FAM199X: variants seen among roughly 807,000 people sequenced by gnomAD.
FAM199X encodes family with sequence similarity 199, X-linked, also known as protein FAM199X.
FAM199X carries 4 observed loss-of-function variants against 22.9 expected under a neutral mutation model. The observed-to-expected ratio is 0.17, with a 90% CI of 0.09 to 0.40. FAM199X has a LOEUF of 0.40. Ranked by LOEUF, FAM199X falls within the 10% of genes least tolerant of loss-of-function variation. FAM199X has a pLI of 1.00. For missense variants in FAM199X, 183 were observed against 306.8 expected (o/e 0.60, Z 3.01); for synonymous variants, 101 against 112.3 (o/e 0.90, Z 0.64).
chrX:104,181,507 C>T (rs1921651166), intron 2 of FAM199X, among the ~76,000 whole-genome samples: 1 of 111,903 alleles, frequency 8.9e-6, no homozygotes, highest in Non-Finnish European at 1.9e-5. Context: ...TTGCAACTTC[C>T]AATTACAATG....
chrX:104,174,106 C>G (rs1921428969), intron 1 of FAM199X, among the ~76,000 whole-genome samples: 1 of 110,688 alleles, frequency 9.0e-6, no homozygotes, highest in Non-Finnish European at 1.9e-5. Flanking sequence ...AAAACCCCAT[C>G]TCTACAAAAA....
rs1251918090 is a variant in FAM199X, at chrX:104,194,537, G to T, written c.*4759G>T. The T allele has an allele frequency of 1.8e-5, 2 of 112,059 alleles. No individual in the cohort carries two copies. Among genetic ancestry groups the T allele is most frequent in the Admixed American group, 9.5e-5 (1 of 10,571 alleles). 9.2% of individuals were successfully genotyped at this position (112,059 alleles called of 1,213,427 possible). ...GACTGAAATTGACATTTGTGGTTAG[G>T]TTATCTAGCTGAGGCTTTTAACAAT... On this transcript the variant is annotated 3_prime_UTR_variant, in exon 6 of 6. Transcript: ENST00000493442.
intron 1 of FAM199X, among the ~76,000 whole-genome samples, chrX:104,168,835 C>A (rs1040607827): frequency 1.8e-5 from 2 of 108,115 alleles, no homozygotes; most frequent in African/African-American, 6.8e-5. Flanking sequence ...TCTTTGCAAG[C>A]CCCAGTTTTT....
upstream of FAM199X, among the ~76,000 whole-genome samples, chrX:104,164,356 A>T (rs782575852): frequency 3.6e-5 from 4 of 112,372 alleles, no homozygotes; most frequent in East Asian, 5.6e-4. Context: ...TTCTCACAGG[A>T]TCATGACAAT....
chrX:104,157,103 T>C, the FAM199X span: 2 of 108,822 alleles, frequency 1.8e-5, no homozygotes, highest in African/African-American at 6.7e-5. Context: ...GGCCGGTCTG[T>C]TTGGGAGAGC....
the FAM199X span, among the ~76,000 whole-genome samples, chrX:104,157,407 A>G: frequency 1.8e-5 from 2 of 110,964 alleles, no homozygotes; most frequent in Admixed American, 9.6e-5. Context: ...TTAGCTGCAT[A>G]TGTAAAGAGC....
chrX:104,163,095 TACAC>T (rs35140355), upstream of FAM199X, among the ~76,000 whole-genome samples: 10,093 of 95,210 alleles, frequency 0.11, 491 homozygotes, highest in African/African-American at 0.14. Flanking sequence ...CTCAGCTAAA[TACAC>T]ACACACACAC....
chrX:104,176,038 A>G (rs782528146), intron 2 of FAM199X, among the ~76,000 whole-genome samples, 196 bp downstream of exon 2: 17 of 111,855 alleles, frequency 1.5e-4, no homozygotes, highest in African/African-American at 4.2e-4. Context: ...TTGATGCTAT[A>G]GATATCCTTT....
At position 104,189,884 on chromosome X, in the gene FAM199X, A is replaced by T. The variant is rs782179370; in HGVS notation, c.*106A>T. On this transcript the variant is annotated 3_prime_UTR_variant, in exon 6 of 6. Transcript: ENST00000493442. ...TTGGTTAGGGCTGTGCTGATGTACC[A>T]TTAATAATTTAAGCCAGTGGTTCTT... 3.5e-5 allele frequency: 28 copies of T among 792,514 alleles called. No homozygotes were observed. The highest frequency in any genetic ancestry group is 4.9e-5 in the Non-Finnish European group (27 of 556,367). 65.3% of individuals were successfully genotyped at this position (792,514 alleles called of 1,213,427 possible).
rs1238584171 is a variant in FAM199X, at chrX:104,191,339, A to G, written c.*1561A>G. ...GGAAACTGGGGATAAAAATTAATAC[A>G]CTGCAGCTTTGCCAAGGTCTGTGAT... On this transcript the variant is annotated 3_prime_UTR_variant, in exon 6 of 6. Transcript: ENST00000493442. 8.9e-6 allele frequency: 1 copy of G among 112,218 alleles called. No individual in the cohort carries two copies. The highest frequency in any genetic ancestry group is 2.8e-4 in the East Asian group (1 of 3,620). 9.2% of individuals were successfully genotyped at this position (112,218 alleles called of 1,213,427 possible).
At chrX:104,173,884 T>C (rs1371152015) in intron 1 of FAM199X, among the ~76,000 whole-genome samples, 3 of 112,268 alleles carry the variant, frequency 2.7e-5, no homozygotes, top group African/African-American at 9.7e-5. Context: ...AAATTAGTAA[T>C]GAAAATATTA....
Position 104,172,661 on chromosome X carries a change from C to T in FAM199X, c.198-2962C>T, listed in dbSNP as rs782255523. ...TGAAGCAAATTCCTGACTCCTTTGG[C>T]AGTGATCTAATGGTTAGATTACTAA... On this transcript the variant is annotated intron_variant, in intron 1 of 5. Transcript: ENST00000493442. 3.7e-5 allele frequency among the ~76,000 whole-genome samples: 4 copies of T among 107,528 alleles called. No homozygotes were observed. The South Asian group carries it at 1.6e-3, about 43-fold the overall frequency. 93.4% of individuals were successfully genotyped at this position (107,528 alleles called of 115,157 possible). A position where few individuals can be genotyped will look rare whatever the true frequency, so the allele number is the denominator to read the frequency against.
At chrX:104,176,003 T>G (rs1355631844) in intron 2 of FAM199X, among the ~76,000 whole-genome samples, 161 bp downstream of exon 2, 1 of 112,254 alleles carries the variant, frequency 8.9e-6, no homozygotes, top group Non-Finnish European at 1.9e-5. Context: ...GGATGGGATA[T>G]CTTTATTTTT....
chrX:104,185,104 G>A (rs1011866489), intron 2 of FAM199X, among the ~76,000 whole-genome samples: 10 of 90,370 alleles, frequency 1.1e-4, no homozygotes, highest in Non-Finnish European at 1.5e-4. Flanking sequence ...ACGGGGTCTC[G>A]CCACATTGCC....
intron 2 of FAM199X, among the ~76,000 whole-genome samples, chrX:104,185,059 A>G (rs1412297988): frequency 1.0e-5 from 1 of 97,496 alleles, no homozygotes; most frequent in African/African-American, 3.9e-5. Context: ...TACAGGCATG[A>G]TAATTTTTTT....
chrX:104,186,662 C>T (rs782002862), intron 4 of FAM199X, 41 bp downstream of exon 4: 2 of 1,083,187 alleles, frequency 1.8e-6, no homozygotes, highest in East Asian at 6.1e-5. Flanking sequence ...ATTAAAAATA[C>T]CACCATCTTA....
intron 1 of FAM199X, among the ~76,000 whole-genome samples, chrX:104,167,526 T>C (rs1478385300): frequency 4.5e-5 from 5 of 110,026 alleles, no homozygotes; most frequent in Non-Finnish European, 7.6e-5. Context: ...TTTTTTTTTT[T>C]AGTTGAGCGC....
At chrX:104,161,494 T>C (rs782021018), upstream of FAM199X, among the ~76,000 whole-genome samples, 1 of 112,194 alleles carries the variant, frequency 8.9e-6, no homozygotes, top group East Asian at 2.8e-4. Context: ...TTTAAAGTAC[T>C]TAAACATTAG....
intron 2 of FAM199X, among the ~76,000 whole-genome samples, chrX:104,183,741 G>A (rs1348256439): frequency 2.7e-5 from 3 of 111,909 alleles, no homozygotes; most frequent in African/African-American, 6.5e-5. Flanking sequence ...CTGGGATTAC[G>A]GGCATAAGCC....
Sources: gnomAD v4.1 joint callset for allele counts (sites outside exome capture counted in the v4.1 genomes callset) on GRCh38, gnomAD v4.1.1 for gene constraint, MANE v1.5 for transcripts, NCBI Gene and HGNC (gene_info 2026-07-23, HGNC 2026-07-21) for gene names.